Variants in PROSER2 observed in about 807,000 individuals in gnomAD.
The protein encoded by PROSER2 is proline and serine rich 2, also known as proline and serine-rich protein 2.
In PROSER2, 18 loss-of-function variants were observed where a neutral mutation model predicts 14.6. The ratio of observed to expected loss-of-function variants is 1.23; its 90% CI spans 0.85 to 1.83. The LOEUF (loss-of-function observed/expected upper bound fraction) is 1.83. Ranked by LOEUF, PROSER2 falls within the 40% of genes most tolerant of loss-of-function variation. The pLI, the probability that PROSER2 is intolerant of heterozygous loss-of-function variation, is 0.00. For synonymous variants in PROSER2, 367 were observed against 286.4 expected, an observed-to-expected ratio of 1.28 and a Z score of -2.84; for missense variants, 823 against 629.8, an observed-to-expected ratio of 1.31 and a Z score of -3.28.
At chr10:11,825,171 C>G (rs1166368577) in intron 1 of PROSER2, among the ~76,000 whole-genome samples, 1 of 152,176 alleles carries the variant, frequency 6.6e-6, no homozygotes, top group African/African-American at 2.4e-5. Context: ...TCAGATAACT[C>G]CAGGAGTGGA....
intron 2 of PROSER2, among the ~76,000 whole-genome samples, chr10:11,855,439 A>G (rs1834106552): frequency 6.8e-6 from 1 of 147,892 alleles, no homozygotes. Flanking sequence ...GCGCCACTGC[A>G]CTCCATCCTG....
chr10:11,828,163 A>G (rs905603603), intron 1 of PROSER2, among the ~76,000 whole-genome samples: 79 of 152,108 alleles, frequency 5.2e-4, no homozygotes, highest in South Asian at 1.0e-3. Flanking sequence ...TTCCTGGTCT[A>G]TAAAATTTAG....
rs184976208 is a variant in PROSER2, at chr10:11,829,320, C to T, written c.-82+5850C>T. On this transcript the variant is annotated intron_variant, in intron 1 of 3. Transcript: ENST00000277570. ...TATTACATACCCGGGCATGCTAGAT[C>T]ATGCCTGTAATCCCAACACTTTGGG... Among the ~76,000 whole-genome samples, 65 of 151,478 alleles carry T rather than the reference C, an allele frequency of 4.3e-4. No individual in the cohort carries two copies. In the South Asian group the frequency reaches 0.013, roughly 29 times the overall value.
rs1248946251 is a variant in PROSER2 at position 11,862,352 on chromosome 10, A to C, written c.139-4179A>C. Among the ~76,000 whole-genome samples the C allele has an allele frequency of 2.0e-5, 3 of 152,220 alleles. No homozygotes were observed. The highest frequency in any genetic ancestry group is 2.9e-5 in the Non-Finnish European group (2 of 68,042). On this transcript the variant is annotated intron_variant, in intron 2 of 3. Transcript: ENST00000277570. The surrounding 1 kb of genome is among the most constrained non-coding windows in gnomAD (Gnocchi z 4.2). The stretch of plus-strand genomic sequence containing the variant: ...TAAGAAAGCTAAACAGACTTAAGGA[A>C]GACTTTAAGAACTCCAACAAAACTG...
intron 3 of PROSER2, among the ~76,000 whole-genome samples, chr10:11,867,336 T>G (rs897167079): frequency 6.7e-6 from 1 of 148,220 alleles, no homozygotes; most frequent in Non-Finnish European, 1.5e-5. Flanking sequence ...AAATACACAA[T>G]GCATACATGC....
At chr10:11,861,759 A>T (rs961392995) in intron 2 of PROSER2, among the ~76,000 whole-genome samples, 10 of 152,214 alleles carry the variant, frequency 6.6e-5, no homozygotes, top group African/African-American at 2.4e-4. Flanking sequence ...TAAAGCCTGC[A>T]CAGCCCAGAA....
intron 1 of PROSER2, among the ~76,000 whole-genome samples, chr10:11,843,293 C>T (rs1833876492): frequency 6.6e-6 from 1 of 151,176 alleles, no homozygotes; most frequent in South Asian, 2.1e-4. Context: ...TGGCACACAC[C>T]TGTAATCCCA....
At position 11,869,227 on chromosome 10, in the gene PROSER2, G is replaced by C. The variant is rs1013731036; in HGVS notation, c.392-263G>C. Reference sequence around the variant, plus strand: ...GGGCTGGAGCCTCAGCAGCCCACATGGACGGAATGTCTCCTAGGTGTGGAC... The same window carrying C: ...GGGCTGGAGCCTCAGCAGCCCACATCGACGGAATGTCTCCTAGGTGTGGAC... On this transcript the variant is annotated intron_variant, in intron 3 of 3. Transcript: ENST00000277570. The surrounding 1 kb of genome is among the most constrained non-coding windows in gnomAD (Gnocchi z 4.4). 1.8e-6 allele frequency: 1 copy of C among 547,492 alleles called. No individual in the cohort carries two copies. The highest frequency in any genetic ancestry group is 3.3e-6 in the Non-Finnish European group (1 of 306,916). 33.9% of individuals were successfully genotyped at this position (547,492 alleles called of 1,614,324 possible).
rs1379088357 is a variant in PROSER2, at chr10:11,869,609, C to G, written c.511C>G (p.Pro171Ala). Residue 171 changes from proline to alanine, a missense_variant, in exon 4 of 4, where the codon CCC becomes GCC. Transcript: ENST00000277570. This position sits in a 1 kb window ranked among gnomAD's most constrained non-coding sequence, Gnocchi z 4.4. Reference sequence around the variant, plus strand: ...ACCCCTGCCTAGCACCCCCGATCCCCCCAGGAGGGAGCTGCGCGCCCCCTC... The same window carrying G: ...ACCCCTGCCTAGCACCCCCGATCCCGCCAGGAGGGAGCTGCGCGCCCCCTC... ...PPPLPSTPDPPRRELRAPSPP... is the reference protein window; with the variant it reads ...PPPLPSTPDPARRELRAPSPP... 7 of 1,605,950 alleles carry G rather than the reference C, an allele frequency of 4.4e-6. No individual in the cohort carries two copies. The East Asian group carries it at 1.3e-4, about 31-fold the overall frequency.
At chr10:11,844,842 A>G (rs111608970) in intron 1 of PROSER2, among the ~76,000 whole-genome samples, 1 of 152,132 alleles carries the variant, frequency 6.6e-6, no homozygotes, top group Non-Finnish European at 1.5e-5. Context: ...GGCTGGTCTC[A>G]AACTCCTGAC....
Position 11,830,303 on chromosome 10 carries a change from A to T in PROSER2, c.-82+6833A>T, listed in dbSNP as rs1410499265. Reference sequence around the variant, plus strand: ...GTTTGACTTTCAGAGTTAGAGTTTGACTTTCACTTAGGATAATGCCTTCAG... The same window carrying T: ...GTTTGACTTTCAGAGTTAGAGTTTGTCTTTCACTTAGGATAATGCCTTCAG... On this transcript the variant is annotated intron_variant, in intron 1 of 3. Transcript: ENST00000277570. This position sits in a 1 kb window ranked among gnomAD's most constrained non-coding sequence, Gnocchi z 4.5. 1.3e-5 allele frequency among the ~76,000 whole-genome samples: 2 copies of T among 152,164 alleles called. No homozygotes were observed. The highest frequency in any genetic ancestry group is 3.8e-4 in the East Asian group (2 of 5,198).
Position 11,847,660 on chromosome 10 carries a change from C to T in PROSER2, c.-81-4337C>T, listed in dbSNP as rs540989181. ...TCTCAAACTCCTGACCTCAAGTGAT[C>T]CACCCACCTCGGCCTCCCAAAGTGC... On this transcript the variant is annotated intron_variant, in intron 1 of 3. Coordinates refer to ENST00000277570, the MANE Select transcript of PROSER2 (RefSeq NM_153256.4). Among the ~76,000 whole-genome samples the T allele has an allele frequency of 3.3e-5, 5 of 152,040 alleles. No homozygotes were observed. In the East Asian group the frequency reaches 1.0e-3, roughly 31 times the overall value.
chr10:11,840,972 ATATATATATATATATAT>A (rs1294738737), intron 1 of PROSER2, among the ~76,000 whole-genome samples: 25 of 87,864 alleles, frequency 2.8e-4, no homozygotes, highest in African/African-American at 1.2e-3. Context: ...ATATATATAT[ATATATATATATATATAT>A]ATGATGGTGG....
intron 1 of PROSER2, among the ~76,000 whole-genome samples, chr10:11,824,133 G>A (rs1588479789): frequency 6.6e-6 from 1 of 152,266 alleles, no homozygotes. Context: ...GTTGTTTGGT[G>A]TATTTTTTTT....
rs773156554 is a variant in PROSER2 at position 11,866,735 on chromosome 10, C to A, written c.343C>A (p.Pro115Thr). The change falls in exon 3 of 4, where the codon CCT becomes ACT. Residue 115 changes from proline (P) to threonine (T), a missense_variant. Transcript: ENST00000277570. The surrounding 1 kb of genome is among the most constrained non-coding windows in gnomAD (Gnocchi z 6.0). ...TGTCATCGACTTAGTGCAGCCAGCA[C>A]CTGGCGCCGGGGAAGCCGAGGGCCT... ...EDVIDLVQPA[P>T]GAGEAEGLPE... 6.2e-7 allele frequency: 1 copy of A among 1,613,510 alleles called. No individual in the cohort carries two copies. Among genetic ancestry groups the A allele is most frequent in the African/African-American group, 1.3e-5 (1 of 74,928 alleles).
rs1833672145 is a variant in PROSER2, at chr10:11,830,173, C to A, written c.-82+6703C>A. Among the ~76,000 whole-genome samples the A allele has an allele frequency of 6.6e-6, 1 of 152,140 alleles. No homozygotes were observed. The highest frequency in any genetic ancestry group is 2.4e-5 in the African/African-American group (1 of 41,434). ...GGCAGTTTTTCAGCCCTCCTCTCCC[C>A]ACTCCATGGACCTTCCCACCTTTTG... On this transcript the variant is annotated intron_variant, in intron 1 of 3. Coordinates refer to ENST00000277570, the MANE Select transcript of PROSER2 (RefSeq NM_153256.4). This position sits in a 1 kb window ranked among gnomAD's most constrained non-coding sequence, Gnocchi z 4.5.
In PROSER2 at chr10:11,869,650, C is replaced by T. The variant is rs559376073; in HGVS notation, c.552C>T (p.His184=). The change falls in exon 4 of 4, where the codon CAC becomes CAT. Residue 184 remains histidine, a synonymous_variant. Coordinates refer to ENST00000277570, the MANE Select transcript of PROSER2 (RefSeq NM_153256.4). The surrounding 1 kb of genome is among the most constrained non-coding windows in gnomAD (Gnocchi z 4.4). ...ELRAPSPPVE[H]PRLLRSVPTP... ...GCGCCCCCTCCCCGCCGGTGGAGCA[C>T]CCCAGACTCCTGCGCTCTGTTCCCA... 3.7e-5 allele frequency: 60 copies of T among 1,601,650 alleles called. No individual in the cohort carries two copies. The Admixed American group carries it at 7.7e-4, about 20-fold the overall frequency.
Position 11,849,086 on chromosome 10 carries a change from C to G in PROSER2, c.-81-2911C>G, listed in dbSNP as rs139434854. Among the ~76,000 whole-genome samples the G allele has an allele frequency of 1.8e-3, 281 of 152,204 alleles. 2 individuals are homozygous for G. The highest frequency in any genetic ancestry group is 6.6e-3 in the African/African-American group (273 of 41,512). ...CCTGTAGTCCCAGCTACTTGGGAGG[C>G]TGAGGCAGGAGAATCGCTTGAACCC... On this transcript the variant is annotated intron_variant, in intron 1 of 3. Transcript: ENST00000277570.
intron 1 of PROSER2, among the ~76,000 whole-genome samples, chr10:11,849,106 G>C (rs1833973496): frequency 6.6e-6 from 1 of 152,096 alleles, no homozygotes; most frequent in Non-Finnish European, 1.5e-5. Context: ...AGAATCGCTT[G>C]AACCCAGGAG....
Sources: gnomAD v4.1 joint callset for allele counts (sites outside exome capture counted in the v4.1 genomes callset) on GRCh38, gnomAD v4.1.1 for gene constraint, Gnocchi (gnomAD v3.1) non-coding constraint, MANE v1.5 for transcripts, NCBI Gene and HGNC (gene_info 2026-07-23, HGNC 2026-07-21) for gene names.